TASP1: variants seen among roughly 807,000 people sequenced by gnomAD.
TASP1 encodes taspase 1, also known as threonine aspartase 1.
A neutral mutation model predicts 56.6 loss-of-function variants in TASP1; 16 were observed. The observed-to-expected ratio is 0.28, with a 90% CI of 0.19 to 0.43. The LOEUF is 0.43. Ranked by LOEUF, TASP1 falls within the 20% of genes least tolerant of loss-of-function variation. The pLI is 1.00. For synonymous variants in TASP1, 179 were observed against 184.2 expected, an observed-to-expected ratio of 0.97 and a Z score of 0.23; for missense variants, 393 against 511.6, an observed-to-expected ratio of 0.77 and a Z score of 2.24.
the TASP1 span, among the ~76,000 whole-genome samples, chr20:13,235,038 G>A: frequency 1.3e-5 from 2 of 152,164 alleles, no homozygotes; most frequent in South Asian, 4.1e-4. Context: ...TACAGGTCCT[G>A]TGTTATCCAG....
the TASP1 span, among the ~76,000 whole-genome samples, chr20:13,163,261 G>A: frequency 1.3e-5 from 2 of 149,686 alleles, no homozygotes; most frequent in African/African-American, 2.5e-5. Context: ...CCAGCTACTC[G>A]AACTGCTGAG....
At chr20:13,473,320 C>A (rs1246042419) in intron 11 of TASP1, among the ~76,000 whole-genome samples, 1 of 150,950 alleles carries the variant, frequency 6.6e-6, no homozygotes, top group East Asian at 2.0e-4. Context: ...TGGAACATCA[C>A]ACACCGGGGC....
chr20:13,201,665 T>A, the TASP1 span, among the ~76,000 whole-genome samples: 1 of 152,010 alleles, frequency 6.6e-6, no homozygotes, highest in Non-Finnish European at 1.5e-5. Context: ...TAGGTTTAGT[T>A]TTCCCTGATG....
chr20:13,479,750 C>T (rs1338662655), intron 11 of TASP1, among the ~76,000 whole-genome samples: 1 of 152,158 alleles, frequency 6.6e-6, no homozygotes, highest in East Asian at 1.9e-4. Flanking sequence ...CCCACCTCAG[C>T]CTCCCGAAGT....
At chr20:13,419,494 T>C (rs936575530) in intron 12 of TASP1, among the ~76,000 whole-genome samples, 6 of 152,212 alleles carry the variant, frequency 3.9e-5, no homozygotes, top group Admixed American at 6.5e-5. Context: ...TCTGTCACAT[T>C]CCAGTACACA....
the TASP1 span, among the ~76,000 whole-genome samples, chr20:13,163,386 AAAAAT>A: frequency 2.0e-5 from 3 of 151,542 alleles, no homozygotes; most frequent in Non-Finnish European, 2.9e-5. Context: ...AAAAAAAAAA[AAAAAT>A]AGAAATCCTA....
At chr20:13,597,996 A>G (rs2047808725) in intron 4 of TASP1, among the ~76,000 whole-genome samples, 1 of 143,994 alleles carries the variant, frequency 6.9e-6, no homozygotes, top group Non-Finnish European at 1.5e-5. Flanking sequence ...GACCTCTTCA[A>G]GGAGAACTAC....
chr20:13,567,039 A>G (rs754602196), intron 7 of TASP1, among the ~76,000 whole-genome samples: 3 of 152,192 alleles, frequency 2.0e-5, no homozygotes, highest in Non-Finnish European at 2.9e-5. Flanking sequence ...ATGCCCATCA[A>G]TGGTAGACTG....
chr20:13,338,029 G>A, the TASP1 span, among the ~76,000 whole-genome samples: 3 of 152,198 alleles, frequency 2.0e-5, no homozygotes, highest in African/African-American at 7.2e-5. Context: ...TTCGAGGCAA[G>A]TACATAAAGT....
chr20:13,486,179 T>C (rs541918113), intron 10 of TASP1, among the ~76,000 whole-genome samples: 2 of 152,318 alleles, frequency 1.3e-5, no homozygotes, highest in African/African-American at 4.8e-5. Flanking sequence ...TCTTAGAATA[T>C]GCTGCCATAG....
intron 12 of TASP1, among the ~76,000 whole-genome samples, chr20:13,430,333 C>T (rs2042763048): frequency 6.6e-6 from 1 of 152,184 alleles, no homozygotes; most frequent in Non-Finnish European, 1.5e-5. Flanking sequence ...TCCACGGTGG[C>T]TTCATTGGGT....
intron 6 of TASP1, among the ~76,000 whole-genome samples, chr20:13,579,556 G>T (rs1277803154): frequency 6.6e-6 from 1 of 151,902 alleles, no homozygotes; most frequent in African/African-American, 2.4e-5. Flanking sequence ...GTAGAGACGG[G>T]GTTTCACCGT....
chr20:13,164,732 T>C, the TASP1 span: 3 of 1,596,618 alleles, frequency 1.9e-6, no homozygotes, highest in Non-Finnish European at 2.6e-6. Context: ...ATGATAGCTA[T>C]TGGAAAGCAA....
chr20:13,164,959 T>C, the TASP1 span: 1 of 1,129,494 alleles, frequency 8.9e-7, no homozygotes, highest in Non-Finnish European at 1.2e-6. Flanking sequence ...TCCCCCTTCC[T>C]CAGGACAATT....
chr20:13,612,511 C>CACAT (rs1220995894), intron 4 of TASP1, among the ~76,000 whole-genome samples: 2 of 151,706 alleles, frequency 1.3e-5, no homozygotes, highest in Non-Finnish European at 2.9e-5. Context: ...CACACACACA[C>CACAT]ACACACACAC....
chr20:13,614,949 C>T (rs1292909880), intron 4 of TASP1: 14 of 393,986 alleles, frequency 3.6e-5, no homozygotes, highest in Non-Finnish European at 6.2e-5. Flanking sequence ...TACTTCCCTT[C>T]AACCTAAATA....
the TASP1 span, among the ~76,000 whole-genome samples, chr20:13,291,778 G>A: frequency 6.6e-6 from 1 of 152,166 alleles, no homozygotes; most frequent in African/African-American, 2.4e-5. Flanking sequence ...CATCCTCAGT[G>A]AGCTAGACAA....
At chr20:13,274,691 C>G in the TASP1 span, among the ~76,000 whole-genome samples, 14 of 151,286 alleles carry the variant, frequency 9.3e-5, no homozygotes, top group African/African-American at 3.1e-4. Context: ...GCCCGGCCCC[C>G]GGGCCTCTTG....
the TASP1 span, among the ~76,000 whole-genome samples, chr20:13,356,640 G>A: frequency 6.6e-6 from 1 of 152,182 alleles, no homozygotes. Context: ...CAAAGCATGA[G>A]ATGCTCTAGA....
Sources: allele counts gnomAD v4.1 joint callset (sites outside exome capture counted in the v4.1 genomes callset), GRCh38; gene constraint gnomAD v4.1.1; transcripts MANE v1.5; gene names NCBI Gene and HGNC (gene_info 2026-07-23, HGNC 2026-07-21).